The following SVOPL variants were observed in gnomAD, a reference collection of about 807,000 sequenced individuals.
SVOPL encodes the protein SVOP like, also known as putative transporter SVOPL.
Under a neutral mutation model 61.0 loss-of-function variants are expected in SVOPL, and 60 were observed. The observed-to-expected ratio is 0.98, with a 90% CI of 0.80 to 1.22. SVOPL has a LOEUF of 1.22. Ranked by LOEUF, SVOPL falls within the 50% of genes most tolerant of loss-of-function variation. SVOPL has a pLI of 0.00. For missense variants in SVOPL, 662 were observed against 643.9 expected (o/e 1.03, Z -0.30); for synonymous variants, 279 against 250.0 (o/e 1.12, Z -1.09).
intron 12 of SVOPL, 170 bp from the exon 13 acceptor site, chr7:138,626,220 C>T (rs1206706752): frequency 1.6e-6 from 1 of 616,292 alleles, no homozygotes; most frequent in African/African-American, 1.8e-5. Flanking sequence ...AAGCAAACCT[C>T]CTTCCAATCT....
Position 138,626,047 on chromosome 7 carries a change from G to A in SVOPL, c.1185C>T (p.Ala395=), listed in dbSNP as rs762752817. The change falls in exon 13 of 16, where the codon GCC becomes GCT. Residue 395 remains alanine, a synonymous_variant. Transcript: ENST00000674285. ...FLLLNICTSS[A]GLIGFLFMLR... The stretch of plus-strand genomic sequence containing the variant: ...GCATGAAGAGGAAGCCAATCAGGCC[G>A]GCACTAGAAAACAGGAAGCGGAGAG... The A allele has an allele frequency of 2.5e-5, 40 of 1,613,986 alleles. No individual in the cohort carries two copies. The East Asian group carries it at 3.6e-4, about 14-fold the overall frequency.
At position 138,654,887 on chromosome 7, in the gene SVOPL, A is replaced by T. The variant is rs1414959774; in HGVS notation, c.534+1561T>A. 4.2e-3 allele frequency among the ~76,000 whole-genome samples: 398 copies of T among 93,976 alleles called. 3 individuals are homozygous for T. Among genetic ancestry groups the T allele is most frequent in the African/African-American group, 0.02 (376 of 18,874 alleles). 61.7% of individuals were successfully genotyped at this position (93,976 alleles called of 152,430 possible). ...CACTTCCTTTTTTTTTTTTTTTTTA[A>T]AAAAAAAAAGAATTCAGAGCCTGCT... On this transcript the variant is annotated intron_variant, in intron 7 of 15. Transcript: ENST00000674285.
intron 3 of SVOPL, among the ~76,000 whole-genome samples, chr7:138,675,234 C>CA (rs1205253417): frequency 2.2e-5 from 3 of 137,766 alleles, no homozygotes; most frequent in Non-Finnish European, 3.1e-5. Context: ...GATCTCATCT[C>CA]AAAAAAAAAG....
At chr7:138,596,946 G>A in intron 14 of SVOPL, 1 of 1,117,308 alleles carries the variant, frequency 9.0e-7, no homozygotes, top group South Asian at 2.3e-5. Context: ...CTGACAGCAT[G>A]AAACAGGTGA....
intron 4 of SVOPL, among the ~76,000 whole-genome samples, chr7:138,666,602 A>T (rs1802270018): frequency 6.6e-6 from 1 of 152,218 alleles, no homozygotes; most frequent in Admixed American, 6.5e-5. Context: ...CTGATTGGAC[A>T]GAGGACCAGC....
intron 4 of SVOPL, 181 bp from the exon 5 acceptor site, chr7:138,663,326 C>A: frequency 7.0e-7 from 1 of 1,434,186 alleles, no homozygotes; most frequent in South Asian, 1.5e-5. Context: ...GATTTCAGCT[C>A]CCTGTTGGTG....
At chr7:138,652,779 C>G (rs1181937531) in intron 7 of SVOPL, among the ~76,000 whole-genome samples, 2 of 152,036 alleles carry the variant, frequency 1.3e-5, no homozygotes, top group African/African-American at 4.8e-5. Context: ...TGCACGCCAC[C>G]ACACCCGACT....
intron 9 of SVOPL, among the ~76,000 whole-genome samples, chr7:138,641,167 C>T: frequency 6.6e-6 from 1 of 150,952 alleles, no homozygotes; most frequent in East Asian, 1.9e-4. Flanking sequence ...CTACTGCACT[C>T]CAACCGAGGT....
chr7:138,594,583 A>T lies in SVOPL; in HGVS notation c.*27T>A. 6.3e-7 allele frequency: 1 copy of T among 1,594,052 alleles called. No individual in the cohort carries two copies. The highest frequency in any genetic ancestry group is 2.3e-5 in the East Asian group (1 of 44,358). On this transcript the variant is annotated 3_prime_UTR_variant, in exon 16 of 16. Transcript: ENST00000674285. The stretch of plus-strand genomic sequence containing the variant: ...TCTGAAGATAGAATTCATTTTTCTC[A>T]TCTGGTAGACATAGCTTTGCAGGTC...
At chr7:138,652,571 G>T (rs1263096985) in intron 7 of SVOPL, among the ~76,000 whole-genome samples, 1 of 152,052 alleles carries the variant, frequency 6.6e-6, no homozygotes, top group Admixed American at 6.6e-5. Flanking sequence ...CAAAAGCTAG[G>T]CCTGTCGTAC....
chr7:138,656,730 A>T (rs1801753399), intron 6 of SVOPL, among the ~76,000 whole-genome samples: 1 of 152,192 alleles, frequency 6.6e-6, no homozygotes, highest in South Asian at 2.1e-4. Flanking sequence ...CCAATACTTT[A>T]AACCTTCTAA....
intron 4 of SVOPL, among the ~76,000 whole-genome samples, chr7:138,670,935 T>C (rs1802399013): frequency 6.6e-6 from 1 of 152,182 alleles, no homozygotes; most frequent in Non-Finnish European, 1.5e-5. Flanking sequence ...TAAAAATAAA[T>C]ATTTTGCAAA....
rs1030202174 is a variant in SVOPL, at chr7:138,694,838, A to C, written c.-35+6340T>G. Among the ~76,000 whole-genome samples, 11 of 152,222 alleles carry C rather than the reference A, an allele frequency of 7.2e-5. No individual in the cohort carries two copies. The East Asian group carries it at 2.1e-3, about 29-fold the overall frequency. On this transcript the variant is annotated intron_variant, in intron 1 of 15. Transcript: ENST00000674285. ...ACTGCAACCTCCGCCTCCTGGGTTCAAGTGATTCTCCTGCCTCAGCCTCCT... is the reference window on the plus strand; with the variant it reads ...ACTGCAACCTCCGCCTCCTGGGTTCCAGTGATTCTCCTGCCTCAGCCTCCT...
At chr7:138,611,920 C>T (rs1235116556) in intron 14 of SVOPL, among the ~76,000 whole-genome samples, 6 of 18,150 alleles carry the variant, frequency 3.3e-4, no homozygotes, top group Admixed American at 9.2e-4. Context: ...TGAGAACGGG[C>T]CAGGATGACA....
At position 138,648,857 on chromosome 7, in the gene SVOPL, G is replaced by A. The variant is rs139014452; in HGVS notation, c.660+155C>T. On this transcript the variant is annotated intron_variant, in intron 8 of 15. Coordinates refer to ENST00000674285, the MANE Select transcript of SVOPL (RefSeq NM_001139456.2). The stretch of plus-strand genomic sequence containing the variant: ...GAATCACCTGAACCTGGGAGGCAGA[G>A]GCTGCAGTGAGCCGAGATTGCACCT... Among the ~76,000 whole-genome samples, 376 of 152,302 alleles carry A rather than the reference G, an allele frequency of 2.5e-3. 2 individuals are homozygous for A. Among genetic ancestry groups the A allele is most frequent in the African/African-American group, 8.7e-3 (362 of 41,560 alleles).
intron 1 of SVOPL, among the ~76,000 whole-genome samples, chr7:138,683,420 T>G (rs1416468701): frequency 6.6e-6 from 1 of 152,032 alleles, no homozygotes; most frequent in Non-Finnish European, 1.5e-5. Flanking sequence ...CAGGCTGGGG[T>G]GCAGTGGCGG....
At chr7:138,674,201 AC>A in intron 3 of SVOPL, among the ~76,000 whole-genome samples, 1 of 40,120 alleles carries the variant, frequency 2.5e-5, no homozygotes, top group African/African-American at 2.6e-4. Context: ...GAAAACACAT[AC>A]ACACACACAC....
rs541412480 is a variant in SVOPL, at chr7:138,599,749, G to A, written c.1354-3219C>T. Among the ~76,000 whole-genome samples the A allele has an allele frequency of 9.7e-4, 148 of 152,178 alleles. 1 individual carries two copies. The highest frequency in any genetic ancestry group is 2.6e-3 in the Admixed American group (39 of 15,272). ...CTAAAAGTAGAAAAATTAGCAGGGC[G>A]TGGTGGTGTGCACCTGTGGTCCCAG... On this transcript the variant is annotated intron_variant, in intron 14 of 15. Coordinates refer to ENST00000674285, the MANE Select transcript of SVOPL (RefSeq NM_001139456.2).
At chr7:138,620,725 G>T (rs879501028) in intron 14 of SVOPL, among the ~76,000 whole-genome samples, 12 of 152,062 alleles carry the variant, frequency 7.9e-5, no homozygotes, top group Admixed American at 6.6e-5. Context: ...TCTAACTCAG[G>T]GTTAGTGCCC....
Sources: allele counts gnomAD v4.1 joint callset (sites outside exome capture counted in the v4.1 genomes callset), GRCh38; gene constraint gnomAD v4.1.1; transcripts MANE v1.5; gene names NCBI Gene and HGNC (gene_info 2026-07-23, HGNC 2026-07-21).